TACC1: variants seen among roughly 807,000 people sequenced by gnomAD.
TACC1 encodes the protein transforming acidic coiled-coil-containing protein 1.
A neutral mutation model predicts 84.4 loss-of-function variants in TACC1; 48 were observed. The ratio of observed to expected loss-of-function variants is 0.57; its 90% CI spans 0.45 to 0.72. The LOEUF (loss-of-function observed/expected upper bound fraction) is 0.72, where lower values mean the gene tolerates loss of function less well. Ranked by LOEUF, TACC1 falls within the 30% of genes least tolerant of loss-of-function variation. The pLI, the probability that TACC1 is intolerant of heterozygous loss-of-function variation, is 0.00. For synonymous variants in TACC1, 372 were observed against 376.3 expected (o/e 0.99, Z 0.13); for missense variants, 920 against 973.0 (o/e 0.95, Z 0.72).
At chr8:38,762,582 A>C in intron 3 of TACC1, among the ~76,000 whole-genome samples, 1 of 150,160 alleles carries the variant, frequency 6.7e-6, no homozygotes, top group Non-Finnish European at 1.5e-5. Context: ...GGGGGGACAG[A>C]GTCTCACTCT....
intron 3 of TACC1, among the ~76,000 whole-genome samples, chr8:38,778,292 G>A (rs1339013874): frequency 2.0e-5 from 3 of 151,786 alleles, no homozygotes; most frequent in Non-Finnish European, 4.4e-5. Context: ...GTGTGTGTGT[G>A]TGTGTATGTG....
chr8:38,793,142 T>C (rs1819145772), intron 2 of TACC1, among the ~76,000 whole-genome samples: 1 of 152,338 alleles, frequency 6.6e-6, no homozygotes, highest in East Asian at 1.9e-4. Context: ...CCTCTCCAGT[T>C]TGATGTGTTA....
intron 2 of TACC1, among the ~76,000 whole-genome samples, chr8:38,792,721 T>C (rs1022435527): frequency 6.6e-6 from 1 of 152,186 alleles, no homozygotes. Context: ...CGCCTTGGCC[T>C]CCCAAAGTGC....
rs1018960889 is a variant in TACC1, at chr8:38,787,270, C to G, written c.-313C>G. The G allele has an allele frequency of 9.4e-7, 1 of 1,069,028 alleles. No individual in the cohort carries two copies. Among genetic ancestry groups the G allele is most frequent in the African/African-American group, 1.7e-5 (1 of 59,968 alleles). 66.2% of individuals were successfully genotyped at this position (1,069,028 alleles called of 1,614,324 possible). The stretch of plus-strand genomic sequence containing the variant: ...AGCCGGGAGCGGGAGCAGCAGAGGT[C>G]TAGCAGCCGGGCGCCGCGGGCCGGG... On this transcript the variant is annotated 5_prime_UTR_variant, in exon 1 of 13. Coordinates refer to ENST00000317827, the MANE Select transcript of TACC1 (RefSeq NM_006283.3).
intron 2 of TACC1, chr8:38,742,470 A>G (rs1807257798): frequency 2.6e-6 from 4 of 1,517,408 alleles, no homozygotes; most frequent in African/African-American, 1.4e-5. Context: ...TTTCTTTGAC[A>G]TTGAATATAC....
intron 3 of TACC1, among the ~76,000 whole-genome samples, chr8:38,763,607 G>A (rs773809068): frequency 6.6e-6 from 1 of 152,146 alleles, no homozygotes; most frequent in Non-Finnish European, 1.5e-5. Context: ...ATCATCTGGA[G>A]ATAATTGTTA....
rs192679394 is a variant in TACC1, at chr8:38,794,519, G to A, written c.277+5700G>A. Among the ~76,000 whole-genome samples the A allele has an allele frequency of 1.1e-4, 16 of 151,780 alleles. No homozygotes were observed. The East Asian group carries it at 3.1e-3, about 29-fold the overall frequency. Reference sequence around the variant, plus strand: ...AGATCTCTTAAAAGGTTGATATGGTGTATTTTTAGAATGTTTTAGACTGCA... The same window carrying A: ...AGATCTCTTAAAAGGTTGATATGGTATATTTTTAGAATGTTTTAGACTGCA... On this transcript the variant is annotated intron_variant, in intron 2 of 12. Transcript: ENST00000317827.
At chr8:38,792,934 G>T (rs1195789346) in intron 2 of TACC1, among the ~76,000 whole-genome samples, 8 of 152,062 alleles carry the variant, frequency 5.3e-5, no homozygotes, top group African/African-American at 1.4e-4. Flanking sequence ...GAGGACTTAG[G>T]GGTTGTGGCT....
At chr8:38,781,362 C>A (rs1402465571) in intron 3 of TACC1, among the ~76,000 whole-genome samples, 1 of 150,738 alleles carries the variant, frequency 6.6e-6, no homozygotes, top group Non-Finnish European at 1.5e-5. Flanking sequence ...AATAAAATGG[C>A]TGTAGGAGAA....
Position 38,819,878 on chromosome 8 carries a change from G to A in TACC1, c.634G>A (p.Asp212Asn), listed in dbSNP as rs193249981. The change falls in exon 3 of 13, where the codon GAT becomes AAT. Residue 212 changes from aspartate (D) to asparagine (N), a missense_variant. Around this residue, in one of 2 missense-constraint regions of TACC1, gnomAD observed 762 missense variants for 747.3 expected, o/e 1.02. Coordinates refer to ENST00000317827, the MANE Select transcript of TACC1 (RefSeq NM_006283.3). ...GVTLEASAEA[D>N]LKAGNSCPEL... ...CACCCTCGAGGCCTCCGCAGAAGCTGATCTAAAAGCTGGCAACTCCTGTCC... is the reference window on the plus strand; with the variant it reads ...CACCCTCGAGGCCTCCGCAGAAGCTAATCTAAAAGCTGGCAACTCCTGTCC... 9.3e-5 allele frequency: 150 copies of A among 1,613,882 alleles called. No individual in the cohort carries two copies. Among genetic ancestry groups the A allele is most frequent in the African/African-American group, 1.3e-5 (1 of 74,922 alleles).
intron 9 of TACC1, 106 bp from the exon 10 acceptor site, chr8:38,842,176 GAATTT>G: frequency 7.9e-7 from 1 of 1,269,818 alleles, no homozygotes; most frequent in Non-Finnish European, 1.1e-6. Context: ...ATAAGAGCGG[GAATTT>G]GGTCACATCC....
In TACC1 at chr8:38,820,550, A is replaced by G. The variant is rs145624861; in HGVS notation, c.1306A>G (p.Thr436Ala). The G allele has an allele frequency of 1.9e-6, 3 of 1,613,988 alleles. No individual in the cohort carries two copies. The highest frequency in any genetic ancestry group is 2.7e-5 in the African/African-American group (2 of 74,894). The change falls in exon 3 of 13, where the codon ACA becomes GCA. Residue 436 changes from threonine (T) to alanine (A), a missense_variant. Thr to Ala is a moderately conservative substitution (Grantham distance 58). Coordinates refer to ENST00000317827, the MANE Select transcript of TACC1 (RefSeq NM_006283.3). ...MDPFKPTTTLTSSDFCSPTGN... is the reference protein window; with the variant it reads ...MDPFKPTTTLASSDFCSPTGN... ...TCCCTTTAAACCAACTACGACCTTA[A>G]CAAGCAGTGACTTTTGTTCTCCCAC...
intron 3 of TACC1, among the ~76,000 whole-genome samples, chr8:38,754,788 T>C (rs1031286858): frequency 2.0e-5 from 3 of 152,244 alleles, no homozygotes; most frequent in African/African-American, 7.2e-5. Flanking sequence ...CTACCATGTG[T>C]CAACATTCTG....
chr8:38,806,814 C>G (rs1822862834), intron 2 of TACC1, among the ~76,000 whole-genome samples: 1 of 152,128 alleles, frequency 6.6e-6, no homozygotes, highest in African/African-American at 2.4e-5. Context: ...TATTCTGATA[C>G]TTACTTTCTC....
At chr8:38,762,508 T>G (rs993033978) in intron 3 of TACC1, among the ~76,000 whole-genome samples, 2 of 152,200 alleles carry the variant, frequency 1.3e-5, no homozygotes, top group African/African-American at 2.4e-5. Context: ...TTTTGTTTAT[T>G]CATTCATCTG....
At chr8:38,835,985 T>G (rs1830144857) in intron 6 of TACC1, among the ~76,000 whole-genome samples, 177 bp from the exon 7 acceptor site, 1 of 152,224 alleles carries the variant, frequency 6.6e-6, no homozygotes, top group Non-Finnish European at 1.5e-5. Context: ...TTATAACAGT[T>G]TTTCTTTAGT....
chr8:38,759,763 A>AT (rs1279616105), intron 3 of TACC1, among the ~76,000 whole-genome samples: 2 of 152,214 alleles, frequency 1.3e-5, no homozygotes, highest in Non-Finnish European at 2.9e-5. Context: ...CTCACAAATC[A>AT]TTTGGCATGT....
At chr8:38,782,622 T>C (rs1408307066), upstream of TACC1, among the ~76,000 whole-genome samples, 1 of 152,222 alleles carries the variant, frequency 6.6e-6, no homozygotes, top group Non-Finnish European at 1.5e-5. Context: ...GGAAACAAAA[T>C]GTGCTAAATC....
chr8:38,777,158 A>G (rs961265088), intron 3 of TACC1, among the ~76,000 whole-genome samples: 3 of 151,804 alleles, frequency 2.0e-5, no homozygotes, highest in African/African-American at 7.3e-5. Context: ...CTGGAGGCTG[A>G]GACAGGAGAA....
Sources: gnomAD v4.1 joint callset for allele counts (sites outside exome capture counted in the v4.1 genomes callset) on GRCh38, gnomAD v4.1.1 for gene constraint, gnomAD v4.1.1 regional missense constraint, MANE v1.5 for transcripts, NCBI Gene and HGNC (gene_info 2026-07-23, HGNC 2026-07-21) for gene names.